The following ING1 variants were observed in gnomAD, a reference collection of about 807,000 sequenced individuals.
ING1 encodes the protein inhibitor of growth family member 1, also known as inhibitor of growth protein 1.
ING1 carries 4 observed loss-of-function variants against 23.1 expected under a neutral mutation model. The observed-to-expected ratio is 0.17, with a 90% confidence interval of 0.09 to 0.40. The LOEUF is 0.40. ING1 is among the 10% of genes least tolerant of loss of function. The pLI is 1.00. For missense variants in ING1, 256 were observed against 393.8 expected (o/e 0.65, Z 2.96); for synonymous variants, 179 against 166.4 (o/e 1.08, Z -0.58).
rs1207008345 is a variant in ING1 at position 110,723,150 on chromosome 13, TC to T, written c.*3220del. The T allele has an allele frequency of 3.9e-5, 6 of 152,340 alleles. No homozygotes were observed. The East Asian group carries it at 1.2e-3, about 29-fold the overall frequency. The allele number at this position is 152,340 out of a possible 1,614,324, so 9.4% of individuals were successfully genotyped here. On this transcript the variant is annotated 3_prime_UTR_variant, in exon 2 of 2. Coordinates refer to ENST00000333219, the MANE Select transcript of ING1 (RefSeq NM_198219.3). ...AGGAAGTGTTGAGCAGCCATGGTGT[TC>T]CTGGGACAGGCTCCCCAGGTGCTGA...
Position 110,719,599 on chromosome 13 carries a change from C to G in ING1, c.507C>G (p.Asp169Glu), listed in dbSNP as rs142623633. The change falls in exon 2 of 2, where the codon GAC becomes GAG. Residue 169 changes from aspartate (D) to glutamate (E), a missense_variant. This residue lies in a region of ING1 where 209 missense variants were observed against 273.8 expected (regional missense o/e 0.76). Coordinates refer to ENST00000333219, the MANE Select transcript of ING1 (RefSeq NM_198219.3). The surrounding 1 kb of genome is among the most constrained non-coding windows in gnomAD (Gnocchi z 8.9). ...RENASSNHDH[D>E]DGASGTPKEK... ...ACGCGTCCAGCAACCACGACCACGA[C>G]GACGGCGCCTCGGGCACACCCAAGG... is the stretch of plus-strand genomic sequence containing the variant. 8.7e-6 allele frequency: 14 copies of G among 1,611,536 alleles called. No homozygotes were observed. The highest frequency in any genetic ancestry group is 5.1e-5 in the Admixed American group (3 of 58,888).
At chr13:110,716,654 C>T (rs1412734376) in intron 1 of ING1, among the ~76,000 whole-genome samples, 2 of 152,220 alleles carry the variant, frequency 1.3e-5, no homozygotes, top group Non-Finnish European at 2.9e-5. Flanking sequence ...TTCAGTGCAA[C>T]CCGTATGTAA....
Position 110,720,461 on chromosome 13 carries a change from A to G in ING1, c.*529A>G, listed in dbSNP as rs2064163170. 1 of 167,076 alleles carries G rather than the reference A, an allele frequency of 6.0e-6. No homozygotes were observed. The highest frequency in any genetic ancestry group is 2.1e-4 in the South Asian group (1 of 4,830). The allele number at this position is 167,076 out of a possible 1,614,324, so 10.3% of individuals were successfully genotyped here. A position where few individuals can be genotyped will look rare whatever the true frequency, so the allele number is the denominator to read the frequency against. On this transcript the variant is annotated 3_prime_UTR_variant, in exon 2 of 2. Coordinates refer to ENST00000333219, the MANE Select transcript of ING1 (RefSeq NM_198219.3). The stretch of plus-strand genomic sequence containing the variant: ...AATGGTTAAATTTTACATGACAGAT[A>G]TTTTATCTATTGGCCTGTTCCCCAA...
At position 110,714,011 on chromosome 13, in the gene ING1, G is replaced by A. The variant is rs939975177; in HGVS notation, c.-139G>A. On this transcript the variant is annotated 5_prime_UTR_variant, in exon 1 of 2. Transcript: ENST00000333219. ...GCGGACGGGCTCGGCAGATGTAGCC[G>A]CCGGGCCGAAGCAGGAGCCGGCGGG... The A allele has an allele frequency of 1.3e-5, 15 of 1,177,804 alleles. No individual in the cohort carries two copies. Among genetic ancestry groups the A allele is most frequent in the Admixed American group, 4.6e-5 (1 of 21,620 alleles). 73.0% of individuals were successfully genotyped at this position (1,177,804 alleles called of 1,614,324 possible).
rs2064173440 is a variant in ING1 at position 110,721,750 on chromosome 13, A to G, written c.*1818A>G. The G allele has an allele frequency of 6.7e-6, 1 of 150,374 alleles. No individual in the cohort carries two copies. Among genetic ancestry groups the G allele is most frequent in the Admixed American group, 6.6e-5 (1 of 15,040 alleles). The allele number at this position is 150,374 out of a possible 1,614,324, so 9.3% of individuals were successfully genotyped here. Reference sequence around the variant, plus strand: ...GCCACCATGCCCAGCTAATTTTTGTATTTTTAGTAGAGATGGGTTTTCACC... The same window carrying G: ...GCCACCATGCCCAGCTAATTTTTGTGTTTTTAGTAGAGATGGGTTTTCACC... On this transcript the variant is annotated 3_prime_UTR_variant, in exon 2 of 2. Transcript: ENST00000333219.
At chr13:110,716,056 C>G (rs751703602) in intron 1 of ING1, 5 of 1,474,632 alleles carry the variant, frequency 3.4e-6, no homozygotes, top group Non-Finnish European at 4.5e-6. Flanking sequence ...GGCGCAGAAA[C>G]TTTTCTGGAA....
intron 1 of ING1, chr13:110,715,475 C>T (rs2064106408): frequency 1.2e-6 from 2 of 1,611,356 alleles, no homozygotes; most frequent in African/African-American, 1.3e-5. Flanking sequence ...TATCATTCCC[C>T]TGCGGAACGA....
At position 110,713,897 on chromosome 13, in the gene ING1, CTGCGCCGCCGGCCGGGGCG is replaced by C. The variant is rs548544774; in HGVS notation, c.-246_-228del. On this transcript the variant is annotated 5_prime_UTR_variant, in exon 1 of 2. Transcript: ENST00000333219. ...CCAGCCCCGCCGCCTGAGAGGGGGCCTGCGCCGCCGGCCGGGGCGTGCGCCCGGGAGCCACCGCCACCGC... is the reference window on the plus strand; with the variant it reads ...CCAGCCCCGCCGCCTGAGAGGGGGCCTGCGCCCGGGAGCCACCGCCACCGC... 765 of 981,872 alleles carry C rather than the reference CTGCGCCGCCGGCCGGGGCG, an allele frequency of 7.8e-4. 6 individuals are homozygous for C. In the African/African-American group the frequency reaches 0.012, roughly 15 times the overall value. The allele number at this position is 981,872 out of a possible 1,614,324, so 60.8% of individuals were successfully genotyped here. A position where few individuals can be genotyped will look rare whatever the true frequency, so the allele number is the denominator to read the frequency against.
chr13:110,714,047 GAGAGCGA>G lies in ING1; in HGVS notation c.-102_-96del. 1 of 1,248,808 alleles carries G rather than the reference GAGAGCGA, an allele frequency of 8.0e-7. No individual in the cohort carries two copies. 77.4% of individuals were successfully genotyped at this position (1,248,808 alleles called of 1,614,324 possible). On this transcript the variant is annotated 5_prime_UTR_variant, in exon 1 of 2. Transcript: ENST00000333219. ...GCAGGAGCCGGCGGGGGGGCGCCGGGAGAGCGAGGGCTTTGCATTTTGCAGTGCTATT... is the reference window on the plus strand; with the variant it reads ...GCAGGAGCCGGCGGGGGGGCGCCGGGGGGCTTTGCATTTTGCAGTGCTATT...
Position 110,719,517 on chromosome 13 carries a change from C to G in ING1, c.425C>G (p.Ala142Gly), listed in dbSNP as rs775697985. The change falls in exon 2 of 2, where the codon GCT becomes GGT. Residue 142 changes from alanine (A) to glycine (G), a missense_variant. By Grantham distance (60) the Ala-to-Gly change is moderately conservative. This residue lies in a region of ING1 where 209 missense variants were observed against 273.8 expected (regional missense o/e 0.76). Coordinates refer to ENST00000333219, the MANE Select transcript of ING1 (RefSeq NM_198219.3). The surrounding 1 kb of genome is among the most constrained non-coding windows in gnomAD (Gnocchi z 8.9). The part of the protein sequence containing the change: ...DRPKGEAAAQ[A>G]DKPNSKRSRR... ...CCCAAAGGCGAGGCGGCAGCGCAGG[C>G]TGACAAGCCCAACAGCAAGCGCTCA... is the stretch of plus-strand genomic sequence containing the variant. The G allele has an allele frequency of 6.2e-7, 1 of 1,611,226 alleles. No individual in the cohort carries two copies. The highest frequency in any genetic ancestry group is 8.5e-7 in the Non-Finnish European group (1 of 1,178,908).
At chr13:110,712,693 G>A (rs1314978189), upstream of ING1, 7 of 680,016 alleles carry the variant, frequency 1.0e-5, no homozygotes, top group Admixed American at 1.0e-4. Flanking sequence ...GGCCGACCGG[G>A]TGTCTGCATA....
At position 110,720,824 on chromosome 13, in the gene ING1, C is replaced by G. The variant is rs767086111; in HGVS notation, c.*892C>G. ...GACATAAGTAACTTTTAAAATTTGT[C>G]TTAAAAATTTATACACCAGCAATTT... On this transcript the variant is annotated 3_prime_UTR_variant, in exon 2 of 2. Coordinates refer to ENST00000333219, the MANE Select transcript of ING1 (RefSeq NM_198219.3). 4.8e-5 allele frequency: 8 copies of G among 167,038 alleles called. No homozygotes were observed. The highest frequency in any genetic ancestry group is 4.1e-4 in the South Asian group (2 of 4,836). 10.3% of individuals were successfully genotyped at this position (167,038 alleles called of 1,614,324 possible). A position where few individuals can be genotyped will look rare whatever the true frequency, so the allele number is the denominator to read the frequency against.
At position 110,714,085 on chromosome 13, in the gene ING1, AG is replaced by A. The variant is rs1396578533; in HGVS notation, c.-59del. 9 of 1,078,858 alleles carry A rather than the reference AG, an allele frequency of 8.3e-6. No homozygotes were observed. The highest frequency in any genetic ancestry group is 3.1e-5 in the South Asian group (2 of 64,424). 66.8% of individuals were successfully genotyped at this position (1,078,858 alleles called of 1,614,324 possible). ...TTGCATTTTGCAGTGCTATTTTTTG[AG>A]GGGGGCGGGGGGTGGAGGAAGCGGA... On this transcript the variant is annotated 5_prime_UTR_variant, in exon 1 of 2. Transcript: ENST00000333219.
At chr13:110,713,679 A>T (rs926163744), upstream of ING1, 3 of 984,858 alleles carry the variant, frequency 3.0e-6, no homozygotes, top group Non-Finnish European at 3.6e-6. Flanking sequence ...AATGTTTCCC[A>T]AGTGTTTGAA....
chr13:110,713,007 G>C (rs372639568), upstream of ING1: 80 of 1,533,940 alleles, frequency 5.2e-5, no homozygotes, highest in Middle Eastern at 1.8e-4. Context: ...TGCGGCCGCA[G>C]CTCAAAGGAC....
upstream of ING1, chr13:110,713,496 T>TC: frequency 5.1e-6 from 5 of 986,776 alleles, no homozygotes; most frequent in Non-Finnish European, 6.0e-6. Flanking sequence ...CGCTGTCCCC[T>TC]CCGCGACCCT....
intron 1 of ING1, chr13:110,716,041 C>T (rs1465615521): frequency 6.8e-7 from 1 of 1,477,014 alleles, no homozygotes; most frequent in East Asian, 2.4e-5. Context: ...ACGAGGGGGA[C>T]CCTCGGCGCA....
At chr13:110,714,882 C>A (rs940962962) in intron 1 of ING1, 19 of 730,062 alleles carry the variant, frequency 2.6e-5, no homozygotes, top group African/African-American at 2.3e-4. Flanking sequence ...AGCTGGACAC[C>A]GAGTAGGGGC....
At position 110,714,176 on chromosome 13, in the gene ING1, G is replaced by A. The variant is rs148784619; in HGVS notation, c.27G>A (p.Gln9=). MLSPANGE[Q]LHLVNYVEDY... ...TGTTGAGTCCTGCCAACGGGGAGCA[G>A]CTCCACCTGGTGAACTATGTGGAGG... is the stretch of plus-strand genomic sequence containing the variant. Residue 9 remains glutamine, a synonymous_variant, in exon 1 of 2, where the codon CAG becomes CAA. Transcript: ENST00000333219. The A allele has an allele frequency of 5.1e-6, 8 of 1,557,274 alleles. No individual in the cohort carries two copies. Among genetic ancestry groups the A allele is most frequent in the Non-Finnish European group, 6.9e-6 (8 of 1,153,192 alleles).
Sources: allele counts gnomAD v4.1 joint callset (sites outside exome capture counted in the v4.1 genomes callset), GRCh38; gene constraint gnomAD v4.1.1; regional missense constraint gnomAD v4.1.1; non-coding constraint Gnocchi (gnomAD v3.1); transcripts MANE v1.5; gene names NCBI Gene and HGNC (gene_info 2026-07-23, HGNC 2026-07-21).